Variants in GRAMD1B observed in about 807,000 individuals in gnomAD.
GRAMD1B encodes the protein protein Aster-B.
GRAMD1B carries 37 observed loss-of-function variants against 99.7 expected under a neutral mutation model. The observed-to-expected ratio is 0.37, with a 90% CI of 0.29 to 0.49. GRAMD1B has a LOEUF of 0.49. GRAMD1B is among the 20% of genes least tolerant of loss of function. The pLI, the probability that GRAMD1B is intolerant of heterozygous loss-of-function variation, is 0.98. For synonymous variants in GRAMD1B, 427 were observed against 387.6 expected (o/e 1.10, Z -1.19); for missense variants, 888 against 1,009.2 (o/e 0.88, Z 1.63).
At chr11:123,422,323 G>C (rs1372071607) in intron 1 of GRAMD1B, among the ~76,000 whole-genome samples, 1 of 152,204 alleles carries the variant, frequency 6.6e-6, no homozygotes. Flanking sequence ...GCATAGAGGT[G>C]AATTGTTTAC....
intron 2 of GRAMD1B, among the ~76,000 whole-genome samples, chr11:123,564,298 C>T (rs1267684198): frequency 2.6e-5 from 4 of 152,226 alleles, no homozygotes; most frequent in Non-Finnish European, 5.9e-5. Context: ...AGATCTGAAT[C>T]CTTCTGTCTC....
At chr11:123,367,315 AG>A (rs1287509688) in intron 1 of GRAMD1B, among the ~76,000 whole-genome samples, 2 of 152,248 alleles carry the variant, frequency 1.3e-5, no homozygotes, top group African/African-American at 4.8e-5. Context: ...AACGTAAAGC[AG>A]AAGAGTCAGA....
chr11:123,435,111 C>T (rs207472442), intron 1 of GRAMD1B, among the ~76,000 whole-genome samples: 18 of 152,182 alleles, frequency 1.2e-4, no homozygotes, highest in African/African-American at 1.7e-4. Context: ...TACATACTCA[C>T]GTGTCCTGGA....
chr11:123,590,129 C>G (rs77381381), intron 4 of GRAMD1B, among the ~76,000 whole-genome samples: 1 of 152,252 alleles, frequency 6.6e-6, no homozygotes, highest in Admixed American at 6.5e-5. Flanking sequence ...GAAGATCTGA[C>G]GGTCTTTTTG....
intron 9 of GRAMD1B, 24 bp from the exon 10 acceptor site, chr11:123,605,298 G>A (rs1293537999): frequency 3.2e-6 from 5 of 1,564,018 alleles, no homozygotes; most frequent in South Asian, 2.4e-5. Context: ...AGGGTAATGT[G>A]GACTCACTGG....
At chr11:123,538,805 G>A (rs1397115999) in intron 2 of GRAMD1B, among the ~76,000 whole-genome samples, 1 of 151,682 alleles carries the variant, frequency 6.6e-6, no homozygotes, top group African/African-American at 2.4e-5. Context: ...TTTATTTTTA[G>A]TAGAGACAGG....
chr11:123,495,009 C>G (rs566891160), intron 2 of GRAMD1B, among the ~76,000 whole-genome samples: 4 of 152,050 alleles, frequency 2.6e-5, no homozygotes, highest in Non-Finnish European at 5.9e-5. Flanking sequence ...CTAACTTGCT[C>G]TTCTAGGTAT....
chr11:123,530,355 A>G (rs1184417832), intron 2 of GRAMD1B, among the ~76,000 whole-genome samples: 3 of 152,154 alleles, frequency 2.0e-5, no homozygotes, highest in African/African-American at 7.2e-5. Context: ...GGACCAAATT[A>G]TCTATTCCTC....
At chr11:123,367,404 C>T (rs1946355227) in intron 1 of GRAMD1B, among the ~76,000 whole-genome samples, 1 of 152,106 alleles carries the variant, frequency 6.6e-6, no homozygotes, top group Admixed American at 6.5e-5. Flanking sequence ...GCAGAACAGC[C>T]CAGTTGAATC....
At chr11:123,374,930 G>C (rs971219372) in intron 1 of GRAMD1B, among the ~76,000 whole-genome samples, 3 of 152,116 alleles carry the variant, frequency 2.0e-5, no homozygotes, top group Admixed American at 1.3e-4. Flanking sequence ...ATTGATCCAG[G>C]TCTGATCTAT....
At chr11:123,486,328 G>T (rs1937763683) in intron 2 of GRAMD1B, among the ~76,000 whole-genome samples, 1 of 152,086 alleles carries the variant, frequency 6.6e-6, no homozygotes, top group African/African-American at 2.4e-5. Context: ...TGGGTGGATT[G>T]CCTGAGCTCA....
chr11:123,505,919 A>G (rs1940381000), intron 2 of GRAMD1B, among the ~76,000 whole-genome samples: 1 of 152,060 alleles, frequency 6.6e-6, no homozygotes, highest in African/African-American at 2.4e-5. Context: ...GTCTACATCT[A>G]GTGACCTCTC....
intron 1 of GRAMD1B, among the ~76,000 whole-genome samples, chr11:123,408,594 G>A (rs1947935444): frequency 6.6e-6 from 1 of 152,240 alleles, no homozygotes; most frequent in Non-Finnish European, 1.5e-5. Context: ...GATAAATTCT[G>A]AGACTCCCTC....
At chr11:123,388,921 G>A (rs1040350577) in intron 1 of GRAMD1B, among the ~76,000 whole-genome samples, 2 of 152,074 alleles carry the variant, frequency 1.3e-5, no homozygotes. Flanking sequence ...ACAGCATCTC[G>A]AACAGACCAA....
At chr11:123,608,236 T>A in intron 11 of GRAMD1B, 1 of 493,992 alleles carries the variant, frequency 2.0e-6, no homozygotes, top group Non-Finnish European at 3.6e-6. Flanking sequence ...CGAACAGACC[T>A]ATGCCATGGG....
At chr11:123,560,609 C>A in intron 2 of GRAMD1B, 1 of 508,632 alleles carries the variant, frequency 2.0e-6, no homozygotes, top group Non-Finnish European at 3.6e-6. Context: ...ATGAGTTCCT[C>A]TCTGCACTGC....
At chr11:123,360,785 TTCC>T (rs1946117300) in intron 1 of GRAMD1B, among the ~76,000 whole-genome samples, 1 of 90,944 alleles carries the variant, frequency 1.1e-5, no homozygotes, top group Non-Finnish European at 2.1e-5. Flanking sequence ...CCTTCCTTCC[TTCC>T]TTCCTTCCTT....
At chr11:123,603,739 C>A (rs1188836211) in intron 9 of GRAMD1B, among the ~76,000 whole-genome samples, 198 bp downstream of exon 9, 1 of 152,202 alleles carries the variant, frequency 6.6e-6, no homozygotes, top group Non-Finnish European at 1.5e-5. Context: ...TTATGGTTGG[C>A]TTTTACTGAG....
chr11:123,429,661 C>T (rs1174156087), upstream of GRAMD1B, among the ~76,000 whole-genome samples: 1 of 152,164 alleles, frequency 6.6e-6, no homozygotes, highest in Non-Finnish European at 1.5e-5. This position sits in a 1 kb window ranked among gnomAD's most constrained non-coding sequence, Gnocchi z 4.0. Context: ...GTTCAGGCCC[C>T]ATTTTCCTTA....
Sources: gnomAD v4.1 joint callset for allele counts (sites outside exome capture counted in the v4.1 genomes callset) on GRCh38, gnomAD v4.1.1 for gene constraint, Gnocchi (gnomAD v3.1) non-coding constraint, MANE v1.5 for transcripts, NCBI Gene and HGNC (gene_info 2026-07-23, HGNC 2026-07-21) for gene names.